The following FANCI variants were observed in gnomAD, a reference collection of about 807,000 sequenced individuals.
The protein encoded by FANCI is Fanconi anemia group I protein.
A neutral mutation model predicts 176.1 loss-of-function variants in FANCI; 156 were observed. The observed-to-expected ratio is 0.89, with a 90% CI of 0.78 to 1.01. The LOEUF (loss-of-function observed/expected upper bound fraction) is 1.01, where lower values mean the gene tolerates loss of function less well. FANCI is among the 50% of genes least tolerant of loss of function. The pLI is 0.00. For synonymous variants in FANCI, 613 were observed against 541.7 expected (o/e 1.13, Z -1.83); for missense variants, 1,678 against 1,534.1 (o/e 1.09, Z -1.57).
intron 19 of FANCI, among the ~76,000 whole-genome samples, chr15:89,291,390 G>A (rs1426050341): frequency 6.6e-6 from 1 of 152,094 alleles, no homozygotes; most frequent in Non-Finnish European, 1.5e-5. Context: ...AGGAATAGAA[G>A]GAATTGGAAT....
At chr15:89,252,111 C>G (rs2052278093) in intron 2 of FANCI, among the ~76,000 whole-genome samples, 1 of 151,992 alleles carries the variant, frequency 6.6e-6, no homozygotes, top group Non-Finnish European at 1.5e-5. Flanking sequence ...ACCAGCCTGG[C>G]CAACATGGTG....
chr15:89,268,626 A>T, intron 10 of FANCI, 101 bp downstream of exon 10: 1 of 1,466,766 alleles, frequency 6.8e-7, no homozygotes, highest in Non-Finnish European at 9.5e-7. Context: ...AAATACTGTA[A>T]AATGACCCTG....
intron 10 of FANCI, among the ~76,000 whole-genome samples, chr15:89,271,060 C>A (rs946366000): frequency 2.6e-5 from 4 of 151,928 alleles, no homozygotes; most frequent in African/African-American, 9.7e-5. Flanking sequence ...CTGTTGTTTT[C>A]TTTTTGTTTT....
At chr15:89,278,000 G>A (rs2053472369) in intron 13 of FANCI, among the ~76,000 whole-genome samples, 1 of 152,130 alleles carries the variant, frequency 6.6e-6, no homozygotes, top group African/African-American at 2.4e-5. Flanking sequence ...AAATTACCCT[G>A]CTTAACAGTG....
intron 16 of FANCI, 31 bp from the exon 17 acceptor site, chr15:89,283,105 C>T (rs2053678538): frequency 1.2e-6 from 2 of 1,611,036 alleles, no homozygotes; most frequent in Admixed American, 1.7e-5. Context: ...TGAAATAGTA[C>T]TGTTTGTTAA....
chr15:89,275,276 T>C (rs1396193930), intron 12 of FANCI, among the ~76,000 whole-genome samples: 2 of 152,138 alleles, frequency 1.3e-5, no homozygotes, highest in African/African-American at 4.8e-5. Flanking sequence ...GAGTTTTATT[T>C]ACTTTGTTGA....
intron 2 of FANCI, among the ~76,000 whole-genome samples, chr15:89,254,404 CAG>C (rs1164519772): frequency 4.6e-5 from 7 of 152,102 alleles, no homozygotes. Context: ...TCAAAAAAGA[CAG>C]TGGGGGCGTG....
In FANCI at chr15:89,307,496, C is replaced by T. The variant is rs1310156844; in HGVS notation, c.3558C>T (p.Ser1186=). ...LVRYYLQVCQ[S]SGGIPKNMEK... ...ATTAGTATCTCCAGGTGTGTCAGAG[C>T]TCCGGAGGAATTCCAAAAAATATGG... Residue 1186 remains serine, a synonymous_variant, in exon 33 of 38, where the codon AGC becomes AGT. Transcript: ENST00000310775. 1.9e-6 allele frequency: 3 copies of T among 1,614,152 alleles called. No homozygotes were observed. The highest frequency in any genetic ancestry group is 2.2e-5 in the East Asian group (1 of 44,886).
chr15:89,272,270 T>C (rs1290533649), intron 10 of FANCI, among the ~76,000 whole-genome samples: 2 of 152,262 alleles, frequency 1.3e-5, no homozygotes, highest in Non-Finnish European at 2.9e-5. Context: ...TCTATTCAAA[T>C]CTTTTGCCCG....
intron 34 of FANCI, chr15:89,307,923 C>A (rs1409041718): frequency 8.0e-6 from 11 of 1,367,160 alleles, no homozygotes; most frequent in Non-Finnish European, 1.0e-5. Context: ...AAGGAAGGAA[C>A]AAGCATGCTC....
At position 89,268,413 on chromosome 15, in the gene FANCI, T is replaced by G. The variant is rs771748219; in HGVS notation, c.770T>G (p.Val257Gly). The G allele has an allele frequency of 6.2e-7, 1 of 1,614,216 alleles. No individual in the cohort carries two copies. Among genetic ancestry groups the G allele is most frequent in the Non-Finnish European group, 8.5e-7 (1 of 1,180,038 alleles). Residue 257 changes from valine to glycine, a missense_variant, in exon 10 of 38, where the codon GTC becomes GGC. Around this residue, in one of 3 missense-constraint regions of FANCI, gnomAD observed 469 missense variants for 436.9 expected, o/e 1.07. Transcript: ENST00000310775. ...GAATCTTTTAGGCTATTGGATGTTG[T>G]CACTGTGCCATCAGGTGAACTTCGT... ...EQSGDELLDVVTVPSGELRHV... is the reference protein window; with the variant it reads ...EQSGDELLDVGTVPSGELRHV...
At position 89,292,834 on chromosome 15, in the gene FANCI, G is replaced by C; in HGVS notation, c.2139G>C (p.Met713Ile). The C allele has an allele frequency of 1.2e-6, 2 of 1,614,126 alleles. No individual in the cohort carries two copies. Among genetic ancestry groups the C allele is most frequent in the Non-Finnish European group, 1.7e-6 (2 of 1,180,016 alleles). ...TATTGGAGTCCATTACTAATAGAAT[G>C]ATTAAGAGTGAGCTGGAAGACTTTG... ...DDILESITNR[M>I]IKSELEDFEL... is the part of the protein sequence containing the mutation. Residue 713 changes from methionine (M) to isoleucine (I), a missense_variant, in exon 21 of 38, where the codon ATG (methionine) becomes ATC (isoleucine). Around this residue, in one of 3 missense-constraint regions of FANCI, gnomAD observed 1,204 missense variants for 1,077.4 expected, o/e 1.12. Coordinates refer to ENST00000310775, the MANE Select transcript of FANCI (RefSeq NM_001113378.2).
intron 19 of FANCI, chr15:89,290,595 AAAAAG>A (rs1224270076): frequency 7.1e-6 from 2 of 282,162 alleles, no homozygotes; most frequent in Non-Finnish European, 1.4e-5. Context: ...TTCTGAAAGA[AAAAAG>A]AAATCCAAAA....
In FANCI at chr15:89,317,122, T is replaced by C. The variant is rs2055297265; in HGVS notation, c.*663T>C. 8.4e-6 allele frequency: 5 copies of C among 592,166 alleles called. No individual in the cohort carries two copies. Among genetic ancestry groups the C allele is most frequent in the Admixed American group, 3.0e-5 (1 of 33,696 alleles). 36.7% of individuals were successfully genotyped at this position (592,166 alleles called of 1,614,324 possible). A position where few individuals can be genotyped will look rare whatever the true frequency, so the allele number is the denominator to read the frequency against. On this transcript the variant is annotated 3_prime_UTR_variant, in exon 38 of 38. Transcript: ENST00000310775. Reference sequence around the variant, plus strand: ...AATGCACTCTATAGAATAAATTATCTTTAAACATTTCTTCTGTGGTTGAAG... The same window carrying C: ...AATGCACTCTATAGAATAAATTATCCTTAAACATTTCTTCTGTGGTTGAAG...
Position 89,281,313 on chromosome 15 carries a change from A to T in FANCI, c.1512+13A>T, listed in dbSNP as rs1390231598. On this transcript the variant is annotated intron_variant, in intron 15 of 37. Coordinates refer to ENST00000310775, the MANE Select transcript of FANCI (RefSeq NM_001113378.2). The stretch of plus-strand genomic sequence containing the variant: ...TAAGGCAGTGCAGGTAAGTCTTCAG[A>T]TTCCCAAGTAACTTGCCAAAACTGA... 6.2e-7 allele frequency: 1 copy of T among 1,613,372 alleles called. No homozygotes were observed. The highest frequency in any genetic ancestry group is 8.5e-7 in the Non-Finnish European group (1 of 1,179,638).
chr15:89,279,912 C>T (rs1567156203), intron 14 of FANCI, among the ~76,000 whole-genome samples: 1 of 152,172 alleles, frequency 6.6e-6, no homozygotes, highest in Non-Finnish European at 1.5e-5. Flanking sequence ...CTGGCTTTTT[C>T]TTCTCCCTGC....
intron 24 of FANCI, among the ~76,000 whole-genome samples, chr15:89,296,350 C>T (rs914690179): frequency 2.6e-5 from 4 of 151,984 alleles, no homozygotes; most frequent in East Asian, 1.9e-4. Flanking sequence ...TCAAGCGATA[C>T]GCCCATCTCA....
At position 89,294,917 on chromosome 15, in the gene FANCI, A is replaced by G. The variant is rs753839678; in HGVS notation, c.2459A>G (p.Asp820Gly). ...VSSLLTALFR[D>G]SIQSHQESLS... Reference sequence around the variant, plus strand: ...TCTCTCTCTCTGTCTCTCTCTAGGGATAGTATCCAAAGCCACCAAGAAAGC... The same window carrying G: ...TCTCTCTCTCTGTCTCTCTCTAGGGGTAGTATCCAAAGCCACCAAGAAAGC... Residue 820 changes from aspartate to glycine, a missense_variant and splice_region_variant, in exon 24 of 38, where the codon GAT becomes GGT. Physicochemically the swap from Asp to Gly is moderately conservative, Grantham distance 94. Around this residue, in one of 3 missense-constraint regions of FANCI, gnomAD observed 1,204 missense variants for 1,077.4 expected, o/e 1.12. Coordinates refer to ENST00000310775, the MANE Select transcript of FANCI (RefSeq NM_001113378.2). The G allele has an allele frequency of 1.3e-6, 2 of 1,551,946 alleles. No homozygotes were observed.
At chr15:89,267,521 T>A (rs1324413444) in intron 9 of FANCI, among the ~76,000 whole-genome samples, 1 of 151,398 alleles carries the variant, frequency 6.6e-6, no homozygotes, top group East Asian at 1.9e-4. Flanking sequence ...ATTGTGGGGG[T>A]GAGGGTAGAA....
Sources: gnomAD v4.1 joint callset for allele counts (sites outside exome capture counted in the v4.1 genomes callset) on GRCh38, gnomAD v4.1.1 for gene constraint, gnomAD v4.1.1 regional missense constraint, MANE v1.5 for transcripts, NCBI Gene and HGNC (gene_info 2026-07-23, HGNC 2026-07-21) for gene names.